Variants in MAD1L1 observed in about 807,000 individuals in gnomAD.
The protein encoded by MAD1L1 is mitotic arrest deficient 1 like 1.
Under a neutral mutation model 96.9 loss-of-function variants are expected in MAD1L1, and 95 were observed. That is an observed-to-expected ratio of 0.98 (90% confidence interval 0.83 to 1.16). The LOEUF (loss-of-function observed/expected upper bound fraction) is 1.16. Ranked by LOEUF, MAD1L1 falls within the 50% of genes most tolerant of loss-of-function variation. The pLI, the probability that MAD1L1 is intolerant of heterozygous loss-of-function variation, is 0.00. For missense variants in MAD1L1, 1,007 were observed against 954.4 expected (o/e 1.06, Z -0.73); for synonymous variants, 473 against 396.6 (o/e 1.19, Z -2.29).
intron 11 of MAD1L1, among the ~76,000 whole-genome samples, chr7:2,126,993 G>T (rs1423822850): frequency 1.3e-5 from 2 of 152,218 alleles, no homozygotes; most frequent in African/African-American, 4.8e-5. Flanking sequence ...GGCCAAGTCA[G>T]GTGTGAGTTC....
intron 11 of MAD1L1, among the ~76,000 whole-genome samples, chr7:2,143,391 G>A (rs941955214): frequency 2.0e-5 from 3 of 150,828 alleles, no homozygotes; most frequent in Non-Finnish European, 4.4e-5. Flanking sequence ...CAGGTGACAA[G>A]GCCTTGTTAC....
intron 17 of MAD1L1, among the ~76,000 whole-genome samples, chr7:1,917,121 C>T (rs1350989420): frequency 6.6e-6 from 1 of 152,206 alleles, no homozygotes; most frequent in Non-Finnish European, 1.5e-5. Flanking sequence ...ACCCAGTTCC[C>T]TCCATCCATG....
In MAD1L1 at chr7:2,142,909, T is replaced by C. The variant is rs1261777585; in HGVS notation, c.1073+6243A>G. On this transcript the variant is annotated intron_variant, in intron 11 of 18. Coordinates refer to ENST00000265854, the MANE Select transcript of MAD1L1 (RefSeq NM_001013836.2). This position sits in a 1 kb window ranked among gnomAD's most constrained non-coding sequence, Gnocchi z 4.7. ...CTGATCCACGGCAAATTCCGTCACC[T>C]TGACCTCCCAGATGCCCCCACCGCC... 6.6e-6 allele frequency among the ~76,000 whole-genome samples: 1 copy of C among 152,178 alleles called. No homozygotes were observed. Among genetic ancestry groups the C allele is most frequent in the East Asian group, 1.9e-4 (1 of 5,190 alleles).
At chr7:2,161,717 G>A (rs923931410) in intron 10 of MAD1L1, among the ~76,000 whole-genome samples, 1 of 150,130 alleles carries the variant, frequency 6.7e-6, no homozygotes, top group Non-Finnish European at 1.5e-5. Context: ...CTGCCCCGCC[G>A]CCCCGTCTGG....
At chr7:1,990,591 G>C (rs894880011) in intron 14 of MAD1L1, among the ~76,000 whole-genome samples, 5 of 152,262 alleles carry the variant, frequency 3.3e-5, no homozygotes, top group African/African-American at 1.2e-4. Context: ...GGCATGTCCC[G>C]GCCGAATGTT....
intron 11 of MAD1L1, among the ~76,000 whole-genome samples, chr7:2,141,472 G>C (rs537582059): frequency 6.6e-6 from 1 of 152,176 alleles, no homozygotes; most frequent in Non-Finnish European, 1.5e-5. Flanking sequence ...CAGAGAACCC[G>C]GCATTGGCAG....
chr7:2,017,196 C>T (rs978496854), intron 12 of MAD1L1, among the ~76,000 whole-genome samples: 1 of 152,234 alleles, frequency 6.6e-6, no homozygotes, highest in Non-Finnish European at 1.5e-5. Context: ...TAACAGCTGA[C>T]TCCACCTGCG....
intron 11 of MAD1L1, among the ~76,000 whole-genome samples, chr7:2,073,788 C>G (rs1785248823): frequency 6.6e-6 from 1 of 152,204 alleles, no homozygotes; most frequent in African/African-American, 2.4e-5. Context: ...ACCTCTCCTT[C>G]CTGGCAGTGA....
At chr7:1,916,371 A>G (rs1788395387) in intron 17 of MAD1L1, among the ~76,000 whole-genome samples, 1 of 152,204 alleles carries the variant, frequency 6.6e-6, no homozygotes, top group Non-Finnish European at 1.5e-5. Context: ...GACGTCCCTC[A>G]GCTGAGGACT....
chr7:1,925,254 G>A (rs1021506759), intron 17 of MAD1L1, among the ~76,000 whole-genome samples: 1 of 152,202 alleles, frequency 6.6e-6, no homozygotes, highest in African/African-American at 2.4e-5. Context: ...CGTAGAAAGT[G>A]CGTTCCCTCA....
intron 16 of MAD1L1, among the ~76,000 whole-genome samples, chr7:1,950,152 G>C (rs1230823140): frequency 6.6e-6 from 1 of 152,208 alleles, no homozygotes; most frequent in Admixed American, 6.5e-5. Flanking sequence ...AGCAGACGCA[G>C]GGGTCTGGCA....
intron 15 of MAD1L1, among the ~76,000 whole-genome samples, chr7:1,962,522 A>C (rs1471620939): frequency 6.6e-6 from 1 of 152,254 alleles, no homozygotes; most frequent in African/African-American, 2.4e-5. Context: ...GACAAGACAC[A>C]GACTGGGAGA....
intron 17 of MAD1L1, among the ~76,000 whole-genome samples, chr7:1,909,696 C>T (rs1249029622): frequency 6.6e-6 from 1 of 152,208 alleles, no homozygotes; most frequent in African/African-American, 2.4e-5. Flanking sequence ...GCATCATGGT[C>T]CCCAGGAACT....
chr7:2,020,116 G>T (rs1253829305), intron 12 of MAD1L1, among the ~76,000 whole-genome samples: 1 of 152,334 alleles, frequency 6.6e-6, no homozygotes, highest in Non-Finnish European at 1.5e-5. Context: ...CCACGGAGGG[G>T]CAGAGCCCCG....
chr7:2,051,364 G>A (rs1406961237), intron 12 of MAD1L1, among the ~76,000 whole-genome samples: 1 of 152,184 alleles, frequency 6.6e-6, no homozygotes. Flanking sequence ...GGACACTCCA[G>A]GTTTCTCGTC....
At chr7:2,074,217 G>A (rs1481301599) in intron 11 of MAD1L1, among the ~76,000 whole-genome samples, 1 of 152,130 alleles carries the variant, frequency 6.6e-6, no homozygotes, top group Non-Finnish European at 1.5e-5. Flanking sequence ...CCATTCTACT[G>A]GGGTGGGAAT....
chr7:1,890,994 G>A (rs1786503022), intron 18 of MAD1L1, among the ~76,000 whole-genome samples: 1 of 152,080 alleles, frequency 6.6e-6, no homozygotes, highest in Non-Finnish European at 1.5e-5. Flanking sequence ...GGACCTCGGC[G>A]GGATCAGACA....
At position 2,225,529 on chromosome 7, in the gene MAD1L1, T is replaced by G. The variant is rs1417592206; in HGVS notation, c.172A>C (p.Ile58Leu). 3 of 1,613,738 alleles carry G rather than the reference T, an allele frequency of 1.9e-6. No individual in the cohort carries two copies. The East Asian group carries it at 6.7e-5, about 36-fold the overall frequency. The change falls in exon 4 of 19, where the codon ATC (isoleucine) becomes CTC (leucine). Residue 58 changes from isoleucine (I) to leucine (L), a missense_variant. Transcript: ENST00000265854. ...TGGATGAGGTGGGACTTCGAACGGA[T>G]CTGCTCTGCTCTTTCCTCCAGCTGA... ...SMQLEERAEQ[I>L]RSKSHLIQVE...
intron 11 of MAD1L1, among the ~76,000 whole-genome samples, chr7:2,123,269 C>T (rs1176617501): frequency 6.8e-6 from 1 of 148,100 alleles, no homozygotes; most frequent in Non-Finnish European, 1.5e-5. Flanking sequence ...CGGGCCACTG[C>T]TCTCCAGCCT....
Sources: gnomAD v4.1 joint callset for allele counts (sites outside exome capture counted in the v4.1 genomes callset) on GRCh38, gnomAD v4.1.1 for gene constraint, Gnocchi (gnomAD v3.1) non-coding constraint, MANE v1.5 for transcripts, NCBI Gene and HGNC (gene_info 2026-07-23, HGNC 2026-07-21) for gene names.